The following PBRM1 variants were observed in gnomAD, a reference collection of about 807,000 sequenced individuals.
PBRM1 encodes polybromo 1.
A neutral mutation model predicts 194.5 loss-of-function variants in PBRM1; 27 were observed. The observed-to-expected ratio is 0.14, with a 90% CI of 0.10 to 0.19. The LOEUF (loss-of-function observed/expected upper bound fraction) is 0.19. Ranked by LOEUF, PBRM1 falls within the 10% of genes least tolerant of loss-of-function variation. The pLI is 1.00. For synonymous variants in PBRM1, 655 were observed against 693.2 expected, an observed-to-expected ratio of 0.94 and a Z score of 0.87; for missense variants, 1,466 against 2,077.2, an observed-to-expected ratio of 0.71 and a Z score of 5.72.
chr3:52,634,304 G>A (rs918674991), intron 11 of PBRM1, among the ~76,000 whole-genome samples: 1 of 151,850 alleles, frequency 6.6e-6, no homozygotes, highest in Admixed American at 6.6e-5. Context: ...GGGTGTGGTG[G>A]TGCGCACCTG....
At position 52,659,339 on chromosome 3, in the gene PBRM1, AT is replaced by A. The variant is rs1169218684; in HGVS notation, c.529-1025del. 3.9e-5 allele frequency among the ~76,000 whole-genome samples: 6 copies of A among 152,128 alleles called. 1 individual carries two copies. In the South Asian group the frequency reaches 1.2e-3, roughly 32 times the overall value. On this transcript the variant is annotated intron_variant, in intron 4 of 29. Coordinates refer to ENST00000296302, the Ensembl canonical transcript of PBRM1. The stretch of plus-strand genomic sequence containing the variant: ...TTTTGTACATATAAAATAAAGAGTA[AT>A]TTTTTTTCTGGTTTAAATCATAAAA...
At chr3:52,547,648 TTG>T (rs201549104), downstream of PBRM1, 7 of 234,236 alleles carry the variant, frequency 3.0e-5, no homozygotes, top group South Asian at 1.8e-4. Flanking sequence ...CTGTAAACTC[TTG>T]TGTGTGTGTG....
chr3:52,587,411 T>C (rs774605948), exon 19 of PBRM1: 4 of 1,610,228 alleles, frequency 2.5e-6, no homozygotes, highest in East Asian at 2.2e-5. Context: ...TTTGTTGTAA[T>C]AGTCACTCTT....
chr3:52,560,400 A>G (rs1431919193), intron 25 of PBRM1, among the ~76,000 whole-genome samples: 1 of 152,214 alleles, frequency 6.6e-6, no homozygotes, highest in Non-Finnish European at 1.5e-5. Context: ...ACAAAGTTCT[A>G]GGTTCTTATG....
chr3:52,571,055 T>C (rs1465084262), intron 22 of PBRM1, among the ~76,000 whole-genome samples: 1 of 152,140 alleles, frequency 6.6e-6, no homozygotes, highest in Non-Finnish European at 1.5e-5. Context: ...CTGGGTGCCA[T>C]GGCTCATGCC....
intron 17 of PBRM1, among the ~76,000 whole-genome samples, chr3:52,592,233 G>C (rs962293684): frequency 3.3e-5 from 5 of 150,914 alleles, no homozygotes; most frequent in African/African-American, 1.2e-4. Context: ...CTGGGTTCAA[G>C]TGATTCTCCT....
At chr3:52,564,625 G>A (rs1337016814) in intron 22 of PBRM1, among the ~76,000 whole-genome samples, 3 of 150,528 alleles carry the variant, frequency 2.0e-5, no homozygotes, top group African/African-American at 7.3e-5. Flanking sequence ...ACTCCAGCCT[G>A]GGTGACAGAG....
rs1262561879 is a variant in PBRM1, at chr3:52,643,408, AACAC to A, written c.900-69_900-66del. 3.1e-6 allele frequency: 3 copies of A among 953,692 alleles called. No homozygotes were observed. The African/African-American group carries it at 4.8e-5, about 15-fold the overall frequency. 59.1% of individuals were successfully genotyped at this position (953,692 alleles called of 1,614,324 possible). Reference sequence around the variant, plus strand: ...CTGAAATTAGAGTGCTGGGTAAACAAACACACACACAACCATTTTCTTCTCTTCT... The same window carrying A: ...CTGAAATTAGAGTGCTGGGTAAACAAACACACAACCATTTTCTTCTCTTCT... On this transcript the variant is annotated intron_variant, in intron 8 of 29. Coordinates refer to ENST00000296302, the Ensembl canonical transcript of PBRM1.
intron 3 of PBRM1, among the ~76,000 whole-genome samples, chr3:52,663,526 A>C (rs1170243631): frequency 6.6e-6 from 1 of 152,196 alleles, no homozygotes; most frequent in African/African-American, 2.4e-5. Flanking sequence ...GAAACAAATC[A>C]TTTCTGGATG....
At chr3:52,549,339 A>G (rs1200306548) in intron 29 of PBRM1, among the ~76,000 whole-genome samples, 1 of 151,646 alleles carries the variant, frequency 6.6e-6, no homozygotes, top group Non-Finnish European at 1.5e-5. Context: ...CTAATTTTTA[A>G]TTTTTTTGTA....
chr3:52,661,066 C>T (rs2096713885), intron 4 of PBRM1, among the ~76,000 whole-genome samples: 1 of 151,984 alleles, frequency 6.6e-6, no homozygotes, highest in East Asian at 1.9e-4. Context: ...CATTCTGTCG[C>T]CCAGTCTGGA....
chr3:52,650,731 A>G (rs576601342), intron 6 of PBRM1, among the ~76,000 whole-genome samples: 9 of 152,354 alleles, frequency 5.9e-5, no homozygotes, highest in African/African-American at 2.2e-4. Flanking sequence ...AAGTAGTGAT[A>G]CTACACGCAA....
At chr3:52,612,999 G>A (rs1345646850) in intron 15 of PBRM1, among the ~76,000 whole-genome samples, 1 of 151,794 alleles carries the variant, frequency 6.6e-6, no homozygotes, top group East Asian at 1.9e-4. Context: ...AAATACATTT[G>A]TGAGACAATC....
chr3:52,554,212 C>T (rs2153424695), intron 27 of PBRM1, among the ~76,000 whole-genome samples: 1 of 152,304 alleles, frequency 6.6e-6, no homozygotes, highest in East Asian at 1.9e-4. Context: ...AGAGTTCTAC[C>T]TTAGCAGCTC....
intron 10 of PBRM1, among the ~76,000 whole-genome samples, chr3:52,638,067 G>A (rs1030925103): frequency 5.3e-5 from 8 of 152,136 alleles, no homozygotes; most frequent in Non-Finnish European, 7.3e-5. Context: ...CATCTGCTGA[G>A]CAAATCATAT....
intron 22 of PBRM1, among the ~76,000 whole-genome samples, chr3:52,573,939 T>A (rs2088438580): frequency 6.6e-6 from 1 of 152,228 alleles, no homozygotes; most frequent in Non-Finnish European, 1.5e-5. Context: ...AGCTCCATGC[T>A]CCAAGAACTG....
At chr3:52,636,196 T>C (rs772040712) in intron 10 of PBRM1, among the ~76,000 whole-genome samples, 1 of 152,152 alleles carries the variant, frequency 6.6e-6, no homozygotes, top group Non-Finnish European at 1.5e-5. Context: ...CTATCAGACA[T>C]GATTTAGCCT....
Position 52,664,946 on chromosome 3 carries a change from A to T in PBRM1, c.385-2670T>A, listed in dbSNP as rs180997675. ...ATTTATGAAGCATTACTACTCGCAAATTCTATAAAGATATCCACATCTAAA... is the reference window on the plus strand; with the variant it reads ...ATTTATGAAGCATTACTACTCGCAATTTCTATAAAGATATCCACATCTAAA... On this transcript the variant is annotated intron_variant, in intron 3 of 29. Transcript: ENST00000296302. 2.6e-5 allele frequency among the ~76,000 whole-genome samples: 4 copies of T among 152,270 alleles called. No individual in the cohort carries two copies. The East Asian group carries it at 7.7e-4, about 29-fold the overall frequency.
rs552772525 is a variant in PBRM1 at position 52,659,308 on chromosome 3, A to G, written c.529-993T>C. On this transcript the variant is annotated intron_variant, in intron 4 of 29. Coordinates refer to ENST00000296302, the Ensembl canonical transcript of PBRM1. The stretch of plus-strand genomic sequence containing the variant: ...GGATTAAATTATGCTTCTAGTCCAA[A>G]TCATTTTTTGTACATATAAAATAAA... 1.2e-4 allele frequency among the ~76,000 whole-genome samples: 18 copies of G among 152,318 alleles called. No homozygotes were observed. The South Asian group carries it at 3.5e-3, about 30-fold the overall frequency.
Sources: allele counts gnomAD v4.1 joint callset (sites outside exome capture counted in the v4.1 genomes callset), GRCh38; gene constraint gnomAD v4.1.1; transcripts MANE v1.5; gene names NCBI Gene and HGNC (gene_info 2026-07-23, HGNC 2026-07-21).